The following MACROD2 variants were observed in gnomAD, a reference collection of about 807,000 sequenced individuals.
The protein encoded by MACROD2 is mono-ADP ribosylhydrolase 2.
MACROD2 carries 36 observed loss-of-function variants against 70.4 expected under a neutral mutation model. The observed-to-expected ratio is 0.51, with a 90% CI of 0.39 to 0.68. The LOEUF (loss-of-function observed/expected upper bound fraction) is 0.68. MACROD2 is among the 30% of genes least tolerant of loss of function. The probability of loss-of-function intolerance (pLI) is 0.00; values close to 1 mark genes in which losing one functional copy is unlikely to be tolerated. For synonymous variants in MACROD2, 172 were observed against 178.8 expected, an observed-to-expected ratio of 0.96 and a Z score of 0.30; for missense variants, 496 against 538.4, an observed-to-expected ratio of 0.92 and a Z score of 0.78.
At chr20:14,125,081 A>C (rs1206447992) in intron 3 of MACROD2, among the ~76,000 whole-genome samples, 1 of 152,194 alleles carries the variant, frequency 6.6e-6, no homozygotes, top group Non-Finnish European at 1.5e-5. Context: ...GCTTTCATTT[A>C]TATGAACTAT....
chr20:14,524,729 C>T (rs1001855492), intron 4 of MACROD2, among the ~76,000 whole-genome samples: 2 of 152,094 alleles, frequency 1.3e-5, no homozygotes, highest in African/African-American at 4.8e-5. Context: ...GAACACTCAC[C>T]CCACCCCAAC....
intron 3 of MACROD2, among the ~76,000 whole-genome samples, chr20:14,286,050 T>G (rs1832624430): frequency 6.6e-6 from 1 of 152,058 alleles, no homozygotes; most frequent in East Asian, 1.9e-4. Flanking sequence ...GTTAGGAGGT[T>G]TTTCTTATAT....
chr20:14,849,855 A>G (rs777313052), intron 5 of MACROD2: 2 of 419,968 alleles, frequency 4.8e-6, no homozygotes, highest in East Asian at 5.9e-5. Context: ...AAATGTCCCA[A>G]TAAAAATAGG....
intron 8 of MACROD2, among the ~76,000 whole-genome samples, chr20:15,632,780 G>A (rs938538789): frequency 4.0e-5 from 6 of 151,802 alleles, no homozygotes; most frequent in East Asian, 1.9e-4. Flanking sequence ...CCTACTTTCC[G>A]TTCTCCTTCC....
intron 5 of MACROD2, among the ~76,000 whole-genome samples, chr20:14,774,281 A>G (rs73104590): frequency 6.6e-6 from 1 of 152,154 alleles, no homozygotes; most frequent in Non-Finnish European, 1.5e-5. Flanking sequence ...TTTTTTCTCA[A>G]CAGTACTTTA....
chr20:15,717,250 T>C (rs1320002093), intron 8 of MACROD2, among the ~76,000 whole-genome samples: 3 of 152,180 alleles, frequency 2.0e-5, no homozygotes, highest in Non-Finnish European at 4.4e-5. Context: ...AATGAAAACA[T>C]AGGCTAAGGC....
intron 3 of MACROD2, among the ~76,000 whole-genome samples, chr20:14,456,366 T>G (rs926225088): frequency 6.6e-6 from 1 of 151,830 alleles, no homozygotes; most frequent in African/African-American, 2.4e-5. Flanking sequence ...TATAATTTGT[T>G]GAGAATGATT....
chr20:14,034,564 G>A (rs955562082), intron 2 of MACROD2, among the ~76,000 whole-genome samples: 2 of 152,142 alleles, frequency 1.3e-5, no homozygotes, highest in Non-Finnish European at 2.9e-5. Flanking sequence ...TTTAGTGTAT[G>A]CAAATGCATA....
intron 4 of MACROD2, among the ~76,000 whole-genome samples, chr20:14,520,802 T>C (rs1487599632): frequency 6.6e-6 from 1 of 152,212 alleles, no homozygotes; most frequent in African/African-American, 2.4e-5. Context: ...TGTTTTTTTC[T>C]TGTTTGTTAT....
rs113613772 is a variant in MACROD2, at chr20:14,929,131, A to G, written c.418+244172A>G. On this transcript the variant is annotated intron_variant, in intron 5 of 17. Coordinates refer to ENST00000684519, the MANE Select transcript of MACROD2 (RefSeq NM_001351661.2). The stretch of plus-strand genomic sequence containing the variant: ...GACACCAAATGTGCGGATTTTCTAC[A>G]CATTACAATTCTCATACCAACTAGG... Among the ~76,000 whole-genome samples the G allele has an allele frequency of 2.0e-3, 299 of 152,300 alleles. 1 individual carries two copies. Among genetic ancestry groups the G allele is most frequent in the Non-Finnish European group, 3.9e-3 (264 of 68,024 alleles).
intron 5 of MACROD2, among the ~76,000 whole-genome samples, chr20:15,167,361 T>C (rs2076392820): frequency 6.6e-6 from 1 of 152,176 alleles, no homozygotes; most frequent in African/African-American, 2.4e-5. Context: ...TTAGCATTAG[T>C]TGGTAAATGT....
At chr20:15,606,077 T>A (rs1478164314) in intron 8 of MACROD2, among the ~76,000 whole-genome samples, 1 of 152,236 alleles carries the variant, frequency 6.6e-6, no homozygotes, top group African/African-American at 2.4e-5. Context: ...TAATGTCTCA[T>A]TTGCTCTATT....
Position 15,947,111 on chromosome 20 carries a change from T to C in MACROD2, c.907+9567T>C, listed in dbSNP as rs150923581. 4.4e-3 allele frequency among the ~76,000 whole-genome samples: 675 copies of C among 152,316 alleles called. 1 individual carries two copies. Among genetic ancestry groups the C allele is most frequent in the Middle Eastern group, 0.01 (3 of 294 alleles). On this transcript the variant is annotated intron_variant, in intron 12 of 17. Coordinates refer to ENST00000684519, the MANE Select transcript of MACROD2 (RefSeq NM_001351661.2). Reference sequence around the variant, plus strand: ...GGGCGGTTTTTCTCCTATCTCAGAATTGAACAAATGTACAATCGGGTTTTA... The same window carrying C: ...GGGCGGTTTTTCTCCTATCTCAGAACTGAACAAATGTACAATCGGGTTTTA...
rs535105268 is a variant in MACROD2 at position 14,053,904 on chromosome 20, G to C, written c.164-31717G>C. On this transcript the variant is annotated intron_variant, in intron 2 of 17. Transcript: ENST00000684519. Reference sequence around the variant, plus strand: ...ATAGTAAATATGTTGTAATATTAAGGATATTGATTTTTTTCTATTAAATGT... The same window carrying C: ...ATAGTAAATATGTTGTAATATTAAGCATATTGATTTTTTTCTATTAAATGT... Among the ~76,000 whole-genome samples, 21 of 152,070 alleles carry C rather than the reference G, an allele frequency of 1.4e-4. No homozygotes were observed. In the South Asian group the frequency reaches 4.2e-3, roughly 30 times the overall value.
At chr20:15,761,708 AG>A (rs2051438946) in intron 8 of MACROD2, among the ~76,000 whole-genome samples, 1 of 152,244 alleles carries the variant, frequency 6.6e-6, no homozygotes, top group Non-Finnish European at 1.5e-5. Flanking sequence ...CAGAAAAGCT[AG>A]AGCGCTTTTC....
intron 5 of MACROD2, among the ~76,000 whole-genome samples, chr20:14,807,971 G>A (rs2072660289): frequency 6.6e-6 from 1 of 152,070 alleles, no homozygotes; most frequent in Non-Finnish European, 1.5e-5. Context: ...CGATTGATTG[G>A]TGTACCTGAA....
At chr20:15,720,776 A>G (rs2050776869) in intron 8 of MACROD2, among the ~76,000 whole-genome samples, 1 of 152,178 alleles carries the variant, frequency 6.6e-6, no homozygotes, top group African/African-American at 2.4e-5. Flanking sequence ...GTCTTAATTA[A>G]TGCCTGATGT....
intron 3 of MACROD2, among the ~76,000 whole-genome samples, chr20:14,237,353 T>C (rs2081885606): frequency 6.6e-6 from 1 of 152,044 alleles, no homozygotes; most frequent in Non-Finnish European, 1.5e-5. Flanking sequence ...TTATCATCTC[T>C]GCACATTCTC....
Position 14,045,868 on chromosome 20 carries a change from T to C in MACROD2, c.164-39753T>C, listed in dbSNP as rs139171944. 8.1e-3 allele frequency among the ~76,000 whole-genome samples: 1,235 copies of C among 152,308 alleles called. 18 individuals carry two copies. The highest frequency in any genetic ancestry group is 0.027 in the African/African-American group (1,139 of 41,566). Reference sequence around the variant, plus strand: ...CTAAAGCAGTTGTAGAAATTAAAGATATAATAATGACCTTGAAAAATATTA... The same window carrying C: ...CTAAAGCAGTTGTAGAAATTAAAGACATAATAATGACCTTGAAAAATATTA... On this transcript the variant is annotated intron_variant, in intron 2 of 17. Coordinates refer to ENST00000684519, the MANE Select transcript of MACROD2 (RefSeq NM_001351661.2).
Sources: gnomAD v4.1 joint callset for allele counts (sites outside exome capture counted in the v4.1 genomes callset) on GRCh38, gnomAD v4.1.1 for gene constraint, MANE v1.5 for transcripts, NCBI Gene and HGNC (gene_info 2026-07-23, HGNC 2026-07-21) for gene names.